Variants in RALGAPA2 observed in about 807,000 individuals in gnomAD.
The protein encoded by RALGAPA2 is ral GTPase-activating protein subunit alpha-2.
RALGAPA2 carries 139 observed loss-of-function variants against 230.4 expected under a neutral mutation model. The ratio of observed to expected loss-of-function variants is 0.60; its 90% CI spans 0.53 to 0.69. The LOEUF (loss-of-function observed/expected upper bound fraction) is 0.69. Ranked by LOEUF, RALGAPA2 falls within the 30% of genes least tolerant of loss-of-function variation. The pLI, the probability that RALGAPA2 is intolerant of heterozygous loss-of-function variation, is 0.00. For synonymous variants in RALGAPA2, 847 were observed against 837.8 expected (o/e 1.01, Z -0.19); for missense variants, 2,163 against 2,276.0 (o/e 0.95, Z 1.01).
Position 20,712,399 on chromosome 20 carries a change from G to C in RALGAPA2, c.82C>G (p.Leu28Val). Residue 28 changes from leucine (L) to valine (V), a missense_variant, in exon 1 of 40, where the codon CTG becomes GTG. Physicochemically the swap from Leu to Val is conservative, Grantham distance 32 (BLOSUM62 1). Coordinates refer to ENST00000202677, the MANE Select transcript of RALGAPA2 (RefSeq NM_020343.4). The surrounding 1 kb of genome is among the most constrained non-coding windows in gnomAD (Gnocchi z 5.5). ...LDPKKDVLTR[L>V]KHLRALLDNV... is the part of the protein sequence containing the mutation. ...CCCAGCAGCGCCCGCAGGTGCTTCAGGCGGGTCAGCACGTCCTTCTTCGGG... is the reference window on the plus strand; with the variant it reads ...CCCAGCAGCGCCCGCAGGTGCTTCACGCGGGTCAGCACGTCCTTCTTCGGG... 1.3e-6 allele frequency: 2 copies of C among 1,551,124 alleles called. No individual in the cohort carries two copies. Among genetic ancestry groups the C allele is most frequent in the Non-Finnish European group, 1.7e-6 (2 of 1,146,854 alleles).
intron 26 of RALGAPA2, among the ~76,000 whole-genome samples, chr20:20,532,796 T>C (rs1354500220): frequency 1.3e-5 from 2 of 151,862 alleles, no homozygotes; most frequent in East Asian, 1.9e-4. Flanking sequence ...TCATCAGAGA[T>C]TAGGTAGAGG....
At chr20:20,603,742 T>C (rs546013074) in intron 15 of RALGAPA2, among the ~76,000 whole-genome samples, 17 of 152,346 alleles carry the variant, frequency 1.1e-4, no homozygotes, top group African/African-American at 3.6e-4. Context: ...AAGAACTGAC[T>C]GGCTGAGTCC....
chr20:20,577,421 T>C (rs1241527058), intron 20 of RALGAPA2, among the ~76,000 whole-genome samples: 1 of 152,194 alleles, frequency 6.6e-6, no homozygotes, highest in African/African-American at 2.4e-5. Flanking sequence ...ACAGAAGCAC[T>C]GTTCCTTCTT....
chr20:20,596,825 T>C (rs534574513), intron 16 of RALGAPA2, among the ~76,000 whole-genome samples: 2 of 152,336 alleles, frequency 1.3e-5, no homozygotes, highest in South Asian at 4.1e-4. Flanking sequence ...AGACAATTCT[T>C]TGTTTGGGAG....
At chr20:20,702,031 C>G (rs2069396719) in intron 1 of RALGAPA2, among the ~76,000 whole-genome samples, 1 of 149,014 alleles carries the variant, frequency 6.7e-6, no homozygotes, top group African/African-American at 2.5e-5. Context: ...CAGAGCAAGA[C>G]TCCATCTCAA....
chr20:20,599,058 A>C (rs2065552671), intron 16 of RALGAPA2, among the ~76,000 whole-genome samples: 1 of 152,182 alleles, frequency 6.6e-6, no homozygotes, highest in African/African-American at 2.4e-5. Flanking sequence ...TTTATTTTGA[A>C]ATGCTTTATA....
intron 9 of RALGAPA2, among the ~76,000 whole-genome samples, chr20:20,633,123 TTC>T (rs2066741177): frequency 2.0e-5 from 3 of 151,432 alleles, no homozygotes. Flanking sequence ...TTCTCTCTCT[TTC>T]TTTTCTTTCT....
In RALGAPA2 at chr20:20,686,404, G is replaced by C. The variant is rs1237720175; in HGVS notation, c.107-5603C>G. ...CTACTAAAAATACAAAAATTAGCTG[G>C]GTATGGTGGCACATGTCTGTAATCC... is the stretch of plus-strand genomic sequence containing the variant. On this transcript the variant is annotated intron_variant, in intron 1 of 39. Coordinates refer to ENST00000202677, the MANE Select transcript of RALGAPA2 (RefSeq NM_020343.4). Among the ~76,000 whole-genome samples the C allele has an allele frequency of 2.6e-5, 4 of 152,022 alleles. No individual in the cohort carries two copies. The East Asian group carries it at 7.7e-4, about 29-fold the overall frequency.
At chr20:20,580,160 G>A (rs2064944340) in intron 20 of RALGAPA2, among the ~76,000 whole-genome samples, 1 of 152,086 alleles carries the variant, frequency 6.6e-6, no homozygotes, top group Non-Finnish European at 1.5e-5. Context: ...CTTAGCTGTA[G>A]ACTCATAAAT....
chr20:20,394,008 T>C (rs2059653267), intron 39 of RALGAPA2, among the ~76,000 whole-genome samples: 1 of 152,168 alleles, frequency 6.6e-6, no homozygotes, highest in African/African-American at 2.4e-5. Flanking sequence ...CCCTGTTGTA[T>C]TATGCCCCAA....
At chr20:20,507,973 A>G (rs555701411) in intron 33 of RALGAPA2, among the ~76,000 whole-genome samples, 25 of 152,360 alleles carry the variant, frequency 1.6e-4, no homozygotes, top group African/African-American at 5.0e-4. Context: ...TAGACTTTAC[A>G]TACATAAAAA....
At chr20:20,562,936 T>C (rs1204197506) in intron 23 of RALGAPA2, among the ~76,000 whole-genome samples, 1 of 152,210 alleles carries the variant, frequency 6.6e-6, no homozygotes, top group Non-Finnish European at 1.5e-5. Flanking sequence ...ATAATAAAAC[T>C]TTCATTGATA....
chr20:20,632,495 A>C (rs1310768663), intron 9 of RALGAPA2, among the ~76,000 whole-genome samples: 2 of 152,234 alleles, frequency 1.3e-5, no homozygotes, highest in Admixed American at 1.3e-4. Flanking sequence ...GTACTTTTCA[A>C]GAATGAGCTA....
chr20:20,462,479 A>G lies in RALGAPA2; in HGVS notation c.5495+10350T>C, dbSNP rs73122483. Among the ~76,000 whole-genome samples the G allele has an allele frequency of 2.3e-3, 346 of 152,216 alleles. 1 individual carries two copies. The highest frequency in any genetic ancestry group is 4.0e-3 in the Non-Finnish European group (275 of 68,006). ...ACCCTGCAGTATCCTTCCTTCCTCCACCCTGGCCCCAATGGTCTCTATCTA... is the reference window on the plus strand; with the variant it reads ...ACCCTGCAGTATCCTTCCTTCCTCCGCCCTGGCCCCAATGGTCTCTATCTA... On this transcript the variant is annotated intron_variant, in intron 37 of 39. Coordinates refer to ENST00000202677, the MANE Select transcript of RALGAPA2 (RefSeq NM_020343.4).
intron 37 of RALGAPA2, among the ~76,000 whole-genome samples, chr20:20,464,018 G>A (rs1476368911): frequency 1.3e-5 from 2 of 152,158 alleles, no homozygotes; most frequent in African/African-American, 4.8e-5. Context: ...CAGGCTTCTG[G>A]TCCCTATGGA....
At chr20:20,420,542 C>G (rs1474165545) in intron 37 of RALGAPA2, among the ~76,000 whole-genome samples, 1 of 152,118 alleles carries the variant, frequency 6.6e-6, no homozygotes, top group Non-Finnish European at 1.5e-5. Flanking sequence ...TAAGCATAAC[C>G]AGGAAGGACT....
intron 37 of RALGAPA2, among the ~76,000 whole-genome samples, chr20:20,467,695 C>T (rs1460875241): frequency 6.6e-6 from 1 of 152,218 alleles, no homozygotes; most frequent in Non-Finnish European, 1.5e-5. Flanking sequence ...CATTCAGATA[C>T]TGGCTAACAG....
In RALGAPA2 at chr20:20,583,118, T is replaced by A; in HGVS notation, c.2639A>T (p.Asp880Val). Reference protein sequence around the residue: ...EEDPELNTPTDVVADADARHW... With the variant: ...EEDPELNTPTVVVADADARHW... Reference sequence around the variant, plus strand: ...ACGGGCATCAGCATCAGCCACAACATCTGTGGGAGTATTCAGTTCTGGGTC... The same window carrying A: ...ACGGGCATCAGCATCAGCCACAACAACTGTGGGAGTATTCAGTTCTGGGTC... Residue 880 changes from aspartate to valine, a missense_variant, in exon 20 of 40, where the codon GAT becomes GTT. By Grantham distance (152) the Asp-to-Val change is radical. Transcript: ENST00000202677. 1.9e-6 allele frequency: 3 copies of A among 1,613,702 alleles called. No individual in the cohort carries two copies. The highest frequency in any genetic ancestry group is 1.7e-6 in the Non-Finnish European group (2 of 1,179,724).
At chr20:20,486,060 G>A (rs1476673616) in intron 36 of RALGAPA2, among the ~76,000 whole-genome samples, 2 of 152,098 alleles carry the variant, frequency 1.3e-5, no homozygotes, top group Non-Finnish European at 2.9e-5. Flanking sequence ...GATCACCTGA[G>A]CCTGGGGAGA....
Sources: allele counts gnomAD v4.1 joint callset (sites outside exome capture counted in the v4.1 genomes callset), GRCh38; gene constraint gnomAD v4.1.1; non-coding constraint Gnocchi (gnomAD v3.1); transcripts MANE v1.5; gene names NCBI Gene and HGNC (gene_info 2026-07-23, HGNC 2026-07-21).